MRAP: variants seen among roughly 807,000 people sequenced by gnomAD.
The protein encoded by MRAP is melanocortin-2 receptor accessory protein.
In MRAP, 8 loss-of-function variants were observed where a neutral mutation model predicts 8.7. That is an observed-to-expected ratio of 0.92 (90% CI 0.54 to 1.66). The LOEUF (loss-of-function observed/expected upper bound fraction) is 1.66. Ranked by LOEUF, MRAP falls within the 40% of genes most tolerant of loss-of-function variation. The pLI is 0.00. For synonymous variants in MRAP, 95 were observed against 95.5 expected, an observed-to-expected ratio of 1.00 and a Z score of 0.03; for missense variants, 237 against 217.1, an observed-to-expected ratio of 1.09 and a Z score of -0.58.
chr21:32,301,098 T>A (rs939532910), intron 1 of MRAP, among the ~76,000 whole-genome samples: 1 of 145,962 alleles, frequency 6.9e-6, no homozygotes, highest in Non-Finnish European at 1.5e-5. Flanking sequence ...TCGTATATGA[T>A]ATCATATATC....
downstream of MRAP, chr21:32,313,158 G>A (rs2032620224): frequency 1.3e-5 from 2 of 152,228 alleles, no homozygotes; most frequent in Non-Finnish European, 2.9e-5. Context: ...TAAGAACCTG[G>A]GAGGCAGCTT....
chr21:32,296,301 C>T (rs566074173), upstream of MRAP, among the ~76,000 whole-genome samples: 1 of 152,126 alleles, frequency 6.6e-6, no homozygotes, highest in Non-Finnish European at 1.5e-5. Flanking sequence ...AAGGCTTCAA[C>T]TTAGGAATTT....
At position 32,312,207 on chromosome 21, in the gene MRAP, G is replaced by A. The variant is rs1383682509; in HGVS notation, c.*211G>A. ...CATCCCAGGTGTTGCTGAGTTTATT[G>A]AGCACACCTAGCCTGCTTGCTTACT... is the stretch of plus-strand genomic sequence containing the variant. On this transcript the variant is annotated 3_prime_UTR_variant, in exon 3 of 3. Transcript: ENST00000303645. The A allele has an allele frequency of 6.1e-6, 9 of 1,483,508 alleles. No homozygotes were observed. The highest frequency in any genetic ancestry group is 2.7e-5 in the South Asian group (2 of 74,748). The allele number at this position is 1,483,508 out of a possible 1,614,324, so 91.9% of individuals were successfully genotyped here. A position where few individuals can be genotyped will look rare whatever the true frequency, so the allele number is the denominator to read the frequency against.
chr21:32,306,921 A>C (rs2032434696), intron 2 of MRAP, 182 bp downstream of exon 2: 1 of 667,500 alleles, frequency 1.5e-6, no homozygotes, highest in Non-Finnish European at 2.7e-6. Flanking sequence ...GAAATATTCC[A>C]GCGAGCATTT....
chr21:32,300,807 T>C (rs1470352235), intron 1 of MRAP, among the ~76,000 whole-genome samples: 2 of 148,694 alleles, frequency 1.3e-5, no homozygotes, highest in Non-Finnish European at 3.0e-5. Flanking sequence ...GCATCCTATG[T>C]CAGGGGCGTC....
chr21:32,312,532 C>G, downstream of MRAP: 1 of 180,392 alleles, frequency 5.5e-6, no homozygotes, highest in South Asian at 1.4e-4. Context: ...AAAGACAGAG[C>G]CCAAGAAAGT....
At chr21:32,314,458 T>A, downstream of MRAP, 1 of 1,183,286 alleles carries the variant, frequency 8.5e-7, no homozygotes, top group Non-Finnish European at 1.3e-6. Flanking sequence ...GTGCTGGGAT[T>A]ATAGGCGTGA....
upstream of MRAP, among the ~76,000 whole-genome samples, chr21:32,295,234 G>T (rs1052693311): frequency 2.0e-5 from 3 of 152,164 alleles, no homozygotes; most frequent in Admixed American, 6.5e-5. Context: ...ACGAAAGGAA[G>T]TAAAGTACAC....
chr21:32,314,309 C>T (rs572959859), downstream of MRAP: 12 of 417,412 alleles, frequency 2.9e-5, no homozygotes, highest in South Asian at 4.2e-5. Flanking sequence ...CTTAGCCTCC[C>T]GAGTAGCTGG....
At chr21:32,312,457 C>T, downstream of MRAP, 1 of 452,460 alleles carries the variant, frequency 2.2e-6, no homozygotes, top group Non-Finnish European at 3.3e-6. Context: ...GGCATCTGCC[C>T]TGCCAGGTCA....
At position 32,298,968 on chromosome 21, in the gene MRAP, A is replaced by G; in HGVS notation, c.-4A>G. On this transcript the variant is annotated 5_prime_UTR_variant, in exon 1 of 3. Transcript: ENST00000303645. The stretch of plus-strand genomic sequence containing the variant: ...CCGGACGCTGACTGCCCAGTGCCAC[A>G]GACATGGCCAACGGGACCAACGCCT... 1.2e-6 allele frequency: 2 copies of G among 1,612,472 alleles called. No individual in the cohort carries two copies. Among genetic ancestry groups the G allele is most frequent in the Non-Finnish European group, 8.5e-7 (1 of 1,178,536 alleles).
chr21:32,307,210 G>A (rs2032441001), intron 2 of MRAP, among the ~76,000 whole-genome samples: 1 of 152,144 alleles, frequency 6.6e-6, no homozygotes, highest in East Asian at 1.9e-4. Flanking sequence ...ATTAGCAGCT[G>A]CCTAGGTCTG....
intron 1 of MRAP, among the ~76,000 whole-genome samples, chr21:32,306,243 G>A (rs534403604): frequency 2.0e-5 from 3 of 151,924 alleles, no homozygotes; most frequent in African/African-American, 4.8e-5. Flanking sequence ...CATCCCTCCC[G>A]GGGGCCCAGG....
At chr21:32,299,411 T>C (rs780507434) in intron 1 of MRAP, among the ~76,000 whole-genome samples, 5 of 152,214 alleles carry the variant, frequency 3.3e-5, no homozygotes, top group Non-Finnish European at 5.9e-5. Context: ...CATAGCTCAC[T>C]GCAACCTCGA....
At chr21:32,310,101 G>A (rs1400826650) in intron 2 of MRAP, among the ~76,000 whole-genome samples, 1 of 152,186 alleles carries the variant, frequency 6.6e-6, no homozygotes, top group Non-Finnish European at 1.5e-5. Context: ...TCCCTGGTCT[G>A]GTCCGGCAAG....
chr21:32,293,903 C>T (rs1348457934), upstream of MRAP, among the ~76,000 whole-genome samples: 31 of 145,390 alleles, frequency 2.1e-4, no homozygotes, highest in African/African-American at 7.8e-4. Context: ...TTGCATGGAT[C>T]TTTTTTTTTT....
chr21:32,293,302 A>G (rs2032083630), intron 2 of MRAP, among the ~76,000 whole-genome samples: 1 of 151,802 alleles, frequency 6.6e-6, no homozygotes, highest in African/African-American at 2.4e-5. Context: ...AAGACTCATT[A>G]CAGGCTACTG....
At chr21:32,302,923 G>A (rs959319611) in intron 1 of MRAP, among the ~76,000 whole-genome samples, 27 of 151,546 alleles carry the variant, frequency 1.8e-4, no homozygotes, top group Non-Finnish European at 2.9e-4. Context: ...CTATCACGAC[G>A]GAAGCACACA....
intron 1 of MRAP, among the ~76,000 whole-genome samples, chr21:32,306,142 C>A: frequency 6.6e-6 from 1 of 152,224 alleles, no homozygotes. Flanking sequence ...GCCTCCCCAC[C>A]GGAGCGCTGT....
Sources: gnomAD v4.1 joint callset for allele counts (sites outside exome capture counted in the v4.1 genomes callset) on GRCh38, gnomAD v4.1.1 for gene constraint, MANE v1.5 for transcripts, NCBI Gene and HGNC (gene_info 2026-07-23, HGNC 2026-07-21) for gene names.